SCN3A: variants seen among roughly 807,000 people sequenced by gnomAD.
SCN3A encodes sodium channel protein type 3 subunit alpha.
A neutral mutation model predicts 187.6 loss-of-function variants in SCN3A; 60 were observed. That is an observed-to-expected ratio of 0.32 (90% CI 0.26 to 0.40). The LOEUF is 0.40. Ranked by LOEUF, SCN3A falls within the 10% of genes least tolerant of loss-of-function variation. The pLI is 1.00. For synonymous variants in SCN3A, 788 were observed against 829.2 expected, an observed-to-expected ratio of 0.95 and a Z score of 0.85; for missense variants, 1,601 against 2,428.2, an observed-to-expected ratio of 0.66 and a Z score of 7.16.
chr2:165,097,038 T>G (rs967220436), intron 23 of SCN3A, among the ~76,000 whole-genome samples: 4 of 152,062 alleles, frequency 2.6e-5, no homozygotes, highest in Non-Finnish European at 5.9e-5. Flanking sequence ...TAAAATCACA[T>G]TAAAACATAC....
At position 165,097,544 on chromosome 2, in the gene SCN3A, G is replaced by A. The variant is rs1685416114; in HGVS notation, c.3967-20C>T. ...AACCACCTAGAAGAGACAGCGAGGGGAACATAGCTTACAAACCTTTTGAAT... is the reference window on the plus strand; with the variant it reads ...AACCACCTAGAAGAGACAGCGAGGGAAACATAGCTTACAAACCTTTTGAAT... On this transcript the variant is annotated intron_variant, in intron 22 of 27. Transcript: ENST00000283254. The A allele has an allele frequency of 1.9e-6, 3 of 1,612,356 alleles. No homozygotes were observed. The highest frequency in any genetic ancestry group is 2.5e-6 in the Non-Finnish European group (3 of 1,179,854).
intron 9 of SCN3A, among the ~76,000 whole-genome samples, chr2:165,162,053 T>C (rs773935783): frequency 6.6e-6 from 1 of 152,084 alleles, no homozygotes; most frequent in Non-Finnish European, 1.5e-5. Flanking sequence ...CCTTCACACA[T>C]TGGAGCATCA....
At position 165,127,761 on chromosome 2, in the gene SCN3A, T is replaced by C; in HGVS notation, c.3263A>G (p.Asn1088Ser). Residue 1088 changes from asparagine to serine, a missense_variant, in exon 18 of 28, where the codon AAT becomes AGT. Physicochemically the swap from Asn to Ser is conservative, Grantham distance 46 (BLOSUM62 1). Transcript: ENST00000283254. The stretch of plus-strand genomic sequence containing the variant: ...GTTGTTTATGAATGACATATAATCA[T>C]TTTCATCGATTACGTATTTTTCAAC... ...SSVEKYVIDE[N>S]DYMSFINNPS... 6.2e-7 allele frequency: 1 copy of C among 1,614,118 alleles called. No homozygotes were observed.
intron 20 of SCN3A, among the ~76,000 whole-genome samples, chr2:165,113,264 T>G (rs1686207456): frequency 6.6e-6 from 1 of 152,170 alleles, no homozygotes; most frequent in Non-Finnish European, 1.5e-5. Context: ...ATTTAGAATG[T>G]GCTTTCTTTC....
chr2:165,179,462 C>T (rs1483349181), intron 2 of SCN3A: 1 of 152,148 alleles, frequency 6.6e-6, no homozygotes, highest in Admixed American at 6.5e-5. Context: ...GAGTAATTTT[C>T]ACAAATTATT....
rs1253217124 is a variant in SCN3A, at chr2:165,090,250, G to A, written c.5903C>T (p.Pro1968Leu). 1 of 1,611,362 alleles carries A rather than the reference G, an allele frequency of 6.2e-7. No homozygotes were observed. The highest frequency in any genetic ancestry group is 1.3e-5 in the African/African-American group (1 of 74,902). Reference sequence around the variant, plus strand: ...TGGTTTTGTTACACTATCATAGGAAGGAGGAGAGGTGGTAGAGGAACTCCC... The same window carrying A: ...TGGTTTTGTTACACTATCATAGGAAAGAGGAGAGGTGGTAGAGGAACTCCC... ...TDGSSSTTSP[P>L]SYDSVTKPDK... is the part of the protein sequence containing the mutation. Residue 1968 changes from proline to leucine, a missense_variant, in exon 28 of 28, where the codon CCT becomes CTT. By Grantham distance (98) the Pro-to-Leu change is moderately conservative (BLOSUM62 -3). This residue lies in a region of SCN3A where 87 missense variants were observed against 89.2 expected (regional missense o/e 0.98). Transcript: ENST00000283254. This position sits in a 1 kb window ranked among gnomAD's most constrained non-coding sequence, Gnocchi z 4.0.
At chr2:165,127,482 G>T in intron 18 of SCN3A, 149 bp downstream of exon 18, 1 of 677,850 alleles carries the variant, frequency 1.5e-6, no homozygotes. Context: ...TCCCAATAAA[G>T]AGTATCTTGT....
chr2:165,094,232 G>A, intron 26 of SCN3A, 142 bp downstream of exon 26: 3 of 762,964 alleles, frequency 3.9e-6, no homozygotes, highest in Non-Finnish European at 7.1e-6. Context: ...CAGAAGTTGT[G>A]AATTATGATG....
intron 2 of SCN3A, among the ~76,000 whole-genome samples, chr2:165,179,214 G>T (rs550587386): frequency 6.6e-6 from 1 of 152,252 alleles, no homozygotes; most frequent in African/African-American, 2.4e-5. Context: ...AAAACACACT[G>T]CAATTGAAAT....
At chr2:165,109,831 TA>T (rs1324021444) in intron 21 of SCN3A, among the ~76,000 whole-genome samples, 2 of 152,214 alleles carry the variant, frequency 1.3e-5, no homozygotes, top group Non-Finnish European at 2.9e-5. Context: ...TAAATTACAA[TA>T]AAATACGAAC....
chr2:165,190,493 G>GAT (rs1016868937), intron 1 of SCN3A, among the ~76,000 whole-genome samples: 12 of 146,246 alleles, frequency 8.2e-5, no homozygotes, highest in South Asian at 2.1e-4. Context: ...ATTGCACAAA[G>GAT]ATATATATAT....
intron 19 of SCN3A, among the ~76,000 whole-genome samples, chr2:165,115,156 C>G (rs887638608): frequency 6.6e-6 from 1 of 152,068 alleles, no homozygotes; most frequent in South Asian, 2.1e-4. Flanking sequence ...TGCAAAAGCT[C>G]TAAGATACAG....
intron 19 of SCN3A, 48 bp downstream of exon 19, chr2:165,115,407 G>C (rs770571181): frequency 6.2e-7 from 1 of 1,610,608 alleles, no homozygotes; most frequent in Admixed American, 1.7e-5. Context: ...TTCAGTCTCC[G>C]TAAAGAACAA....
intron 18 of SCN3A, among the ~76,000 whole-genome samples, chr2:165,117,496 A>ATGTACATACATACATACATCTATAT (rs1686428272): frequency 6.6e-6 from 1 of 152,074 alleles, no homozygotes; most frequent in Admixed American, 6.6e-5. Flanking sequence ...ACATCTATAT[A>ATGTACATACATACATACATCTATAT]TACACACACG....
rs555950508 is a variant in SCN3A at position 165,157,190 on chromosome 2, G to A, written c.1032-1287C>T. 7.0e-4 allele frequency among the ~76,000 whole-genome samples: 107 copies of A among 152,236 alleles called. 1 individual carries two copies. Among genetic ancestry groups the A allele is most frequent in the South Asian group, 2.7e-3 (13 of 4,820 alleles). ...CTCCCAAAGTGCTGGGATTACAGGC[G>A]AGAGCCACCGTGCCCAGCCCTCAGT... On this transcript the variant is annotated intron_variant, in intron 9 of 27. Transcript: ENST00000283254.
At chr2:165,180,817 G>A (rs963654466) in intron 2 of SCN3A, among the ~76,000 whole-genome samples, 4 of 152,156 alleles carry the variant, frequency 2.6e-5, no homozygotes, top group African/African-American at 9.7e-5. Flanking sequence ...AGTATGAAGC[G>A]TGGACAGGCA....
chr2:165,118,953 G>A (rs567726365), intron 18 of SCN3A, among the ~76,000 whole-genome samples: 6 of 151,978 alleles, frequency 3.9e-5, no homozygotes, highest in African/African-American at 1.2e-4. Flanking sequence ...TAGTAGAGAC[G>A]GGGTTTCACC....
chr2:165,156,783 G>A (rs553070181), intron 9 of SCN3A, among the ~76,000 whole-genome samples: 2 of 152,152 alleles, frequency 1.3e-5, no homozygotes, highest in East Asian at 3.9e-4. Context: ...AAACTTCTGG[G>A]CTCAAGCAAT....
rs1162771591 is a variant in SCN3A, at chr2:165,146,940, C to T, written c.1470G>A (p.Lys490=). ...ATTCTTTAGCACTTTTGGAACTCAA[C>T]TTTGATGCTTCTGAAGAACTTTCCA... is the stretch of plus-strand genomic sequence containing the variant. ...ELLESSSEAS[K]LSSKSAKEWR... The change falls in exon 12 of 28, where the codon AAG becomes AAA. Residue 490 remains lysine, a synonymous_variant. Coordinates refer to ENST00000283254, the MANE Select transcript of SCN3A (RefSeq NM_006922.4). 6.2e-7 allele frequency: 1 copy of T among 1,614,052 alleles called. No homozygotes were observed. The highest frequency in any genetic ancestry group is 8.5e-7 in the Non-Finnish European group (1 of 1,179,944).
Sources: gnomAD v4.1 joint callset for allele counts (sites outside exome capture counted in the v4.1 genomes callset) on GRCh38, gnomAD v4.1.1 for gene constraint, gnomAD v4.1.1 regional missense constraint, Gnocchi (gnomAD v3.1) non-coding constraint, MANE v1.5 for transcripts, NCBI Gene and HGNC (gene_info 2026-07-23, HGNC 2026-07-21) for gene names.